CDH2: variants seen among roughly 807,000 people sequenced by gnomAD.
CDH2 encodes cadherin-2.
Under a neutral mutation model 92.0 loss-of-function variants are expected in CDH2, and 17 were observed. That is an observed-to-expected ratio of 0.18 (90% CI 0.13 to 0.28). CDH2 has a LOEUF of 0.28. Among genes scored for constraint, CDH2 ranks in the 10% least tolerant of loss-of-function variants. The pLI, the probability that CDH2 is intolerant of heterozygous loss-of-function variation, is 1.00. For synonymous variants in CDH2, 419 were observed against 415.9 expected (o/e 1.01, Z -0.09); for missense variants, 862 against 1,133.1 (o/e 0.76, Z 3.44).
intron 14 of CDH2, among the ~76,000 whole-genome samples, chr18:27,973,603 G>T (rs867384066): frequency 6.6e-6 from 1 of 152,128 alleles, no homozygotes; most frequent in South Asian, 2.1e-4. Flanking sequence ...AACCCATTGT[G>T]GGTGAGGTAA....
At chr18:28,071,569 T>C (rs2014618766) in intron 2 of CDH2, among the ~76,000 whole-genome samples, 3 of 152,170 alleles carry the variant, frequency 2.0e-5, no homozygotes, top group African/African-American at 7.2e-5. Context: ...ATCTCCCCAT[T>C]AGCCAGAAAG....
At chr18:28,074,945 G>A (rs7243202) in intron 2 of CDH2, among the ~76,000 whole-genome samples, 3,637 of 152,010 alleles carry the variant, frequency 0.024, 111 homozygotes, top group African/African-American at 0.077. Context: ...TATTGGAAAG[G>A]GAATCATATA....
At chr18:28,112,645 A>G (rs1183719245) in intron 2 of CDH2, among the ~76,000 whole-genome samples, 1 of 152,192 alleles carries the variant, frequency 6.6e-6, no homozygotes, top group Non-Finnish European at 1.5e-5. Context: ...TGAAGTATGT[A>G]GGCTCTTATA....
At chr18:28,121,928 TG>T (rs1214146754) in intron 2 of CDH2, among the ~76,000 whole-genome samples, 1 of 152,068 alleles carries the variant, frequency 6.6e-6, no homozygotes, top group Non-Finnish European at 1.5e-5. Flanking sequence ...CCAGAGAGTT[TG>T]GGAACTGCAA....
intron 2 of CDH2, among the ~76,000 whole-genome samples, chr18:28,084,584 AAAG>A (rs2014891450): frequency 6.6e-6 from 1 of 151,940 alleles, no homozygotes; most frequent in South Asian, 2.1e-4. Flanking sequence ...AATAAAAAAA[AAAG>A]GATACACACA....
At chr18:28,174,711 T>A in intron 1 of CDH2, among the ~76,000 whole-genome samples, 1 of 152,184 alleles carries the variant, frequency 6.6e-6, no homozygotes, top group East Asian at 1.9e-4. Context: ...AAACAGAAAA[T>A]GAGAGTGCTC....
intron 2 of CDH2, among the ~76,000 whole-genome samples, chr18:28,120,793 A>T (rs934191277): frequency 6.6e-6 from 1 of 152,102 alleles, no homozygotes; most frequent in South Asian, 2.1e-4. Context: ...CACAACACAC[A>T]TGGGTCACCC....
At position 28,095,760 on chromosome 18, in the gene CDH2, A is replaced by C; in HGVS notation, c.172+51913T>G. ...ATTAGGTGGAGATTGCAGTGAGCTG[A>C]GATCATGTGACTGTACTCCAGCCTG... On this transcript the variant is annotated intron_variant, in intron 2 of 15. Transcript: ENST00000269141. Among the ~76,000 whole-genome samples the C allele has an allele frequency of 1.4e-5, 2 of 142,984 alleles. 1 individual carries two copies. The highest frequency in any genetic ancestry group is 3.0e-5 in the Non-Finnish European group (2 of 66,102). 93.8% of individuals were successfully genotyped at this position (142,984 alleles called of 152,430 possible). A position where few individuals can be genotyped will look rare whatever the true frequency, so the allele number is the denominator to read the frequency against.
At chr18:28,043,318 C>T (rs115604152) in intron 2 of CDH2, among the ~76,000 whole-genome samples, 3,661 of 150,862 alleles carry the variant, frequency 0.024, 64 homozygotes, top group East Asian at 0.053. Flanking sequence ...GGGTGGGAGG[C>T]GGGTGAAGGA....
intron 5 of CDH2, among the ~76,000 whole-genome samples, chr18:28,007,165 A>AAATATAT (rs1172779200): frequency 3.3e-4 from 36 of 110,496 alleles, no homozygotes; most frequent in Admixed American, 1.1e-3. Flanking sequence ...ATAAAAAAAA[A>AAATATAT]ATATATATAT....
At chr18:28,004,660 A>G (rs553949165) in intron 6 of CDH2, among the ~76,000 whole-genome samples, 1 of 152,280 alleles carries the variant, frequency 6.6e-6, no homozygotes, top group East Asian at 1.9e-4. Context: ...CAAAAGCCCA[A>G]TGTTTGTTTT....
chr18:28,084,462 C>A (rs1230815391), intron 2 of CDH2, among the ~76,000 whole-genome samples: 1 of 151,990 alleles, frequency 6.6e-6, no homozygotes, highest in African/African-American at 2.4e-5. Context: ...TGAAAAATGG[C>A]CAGAGAATCT....
intron 2 of CDH2, among the ~76,000 whole-genome samples, chr18:28,061,533 T>C (rs568378963): frequency 1.6e-4 from 24 of 152,304 alleles, no homozygotes; most frequent in African/African-American, 5.1e-4. Context: ...TAACCTCAGC[T>C]ACTTGGGAGT....
At chr18:28,124,327 G>A (rs946136904) in intron 2 of CDH2, among the ~76,000 whole-genome samples, 5 of 152,118 alleles carry the variant, frequency 3.3e-5, no homozygotes, top group Non-Finnish European at 5.9e-5. Context: ...AATGTGCTGC[G>A]AATTGATCTT....
intron 2 of CDH2, among the ~76,000 whole-genome samples, chr18:28,079,646 C>A (rs2014789036): frequency 1.3e-5 from 2 of 152,156 alleles, no homozygotes; most frequent in African/African-American, 2.4e-5. Flanking sequence ...ATTCTCAATT[C>A]CAGTTCTGCT....
intron 2 of CDH2, among the ~76,000 whole-genome samples, chr18:28,064,703 T>C (rs911894400): frequency 6.7e-6 from 1 of 149,874 alleles, no homozygotes; most frequent in Non-Finnish European, 1.5e-5. Context: ...TTAACAAAAG[T>C]ATGAACTATA....
Position 27,955,761 on chromosome 18 carries a change from G to GTTT in CDH2, c.2515-3405_2515-3403dup, listed in dbSNP as rs5823568. Among the ~76,000 whole-genome samples, 920 of 111,678 alleles carry GTTT rather than the reference G, an allele frequency of 8.2e-3. 62 individuals carry two copies. The highest frequency in any genetic ancestry group is 0.027 in the African/African-American group (772 of 28,088). The allele number at this position is 111,678 out of a possible 152,430, so 73.3% of individuals were successfully genotyped here. A position where few individuals can be genotyped will look rare whatever the true frequency, so the allele number is the denominator to read the frequency against. On this transcript the variant is annotated intron_variant, in intron 15 of 15. Coordinates refer to ENST00000269141, the MANE Select transcript of CDH2 (RefSeq NM_001792.5). Reference sequence around the variant, plus strand: ...ACAAATCTCTGTTTTCTTTATTTCTGTTTTTTTTTTTTTTTTTTTAAAGAG... The same window carrying GTTT: ...ACAAATCTCTGTTTTCTTTATTTCTGTTTTTTTTTTTTTTTTTTTTTTAAAGAG...
At position 28,166,359 on chromosome 18, in the gene CDH2, T is replaced by C. The variant is rs561690193; in HGVS notation, c.60+10604A>G. Among the ~76,000 whole-genome samples the C allele has an allele frequency of 1.2e-4, 18 of 151,926 alleles. No homozygotes were observed. The East Asian group carries it at 2.7e-3, about 23-fold the overall frequency. ...TGTTATCGACGTTTGAGTACACCAC[T>C]ATCTCCCTTTAAAACACAGCTTCAT... On this transcript the variant is annotated intron_variant, in intron 1 of 15. Coordinates refer to ENST00000269141, the MANE Select transcript of CDH2 (RefSeq NM_001792.5).
chr18:28,043,890 AT>A (rs67532914), intron 2 of CDH2, among the ~76,000 whole-genome samples: 1,007 of 91,098 alleles, frequency 0.011, 1 homozygote, highest in Non-Finnish European at 0.013. Flanking sequence ...AGAATCTCGG[AT>A]TTTTTTTTTT....
Sources: gnomAD v4.1 joint callset for allele counts (sites outside exome capture counted in the v4.1 genomes callset) on GRCh38, gnomAD v4.1.1 for gene constraint, MANE v1.5 for transcripts, NCBI Gene and HGNC (gene_info 2026-07-23, HGNC 2026-07-21) for gene names.